Variants in GALK2 observed in about 807,000 individuals in gnomAD.
GALK2 encodes galactokinase 2.
Under a neutral mutation model 52.4 loss-of-function variants are expected in GALK2, and 36 were observed. That is an observed-to-expected ratio of 0.69 (90% CI 0.53 to 0.91). The LOEUF is 0.91. GALK2 is among the 40% of genes least tolerant of loss of function. The probability of loss-of-function intolerance (pLI) is 0.00; values close to 1 mark genes in which losing one functional copy is unlikely to be tolerated. For missense variants in GALK2, 579 were observed against 559.1 expected (o/e 1.04, Z -0.36); for synonymous variants, 176 against 199.1 (o/e 0.88, Z 0.98).
In GALK2 at chr15:49,329,276, G is replaced by A. The variant is rs910350995; in HGVS notation, c.*1117G>A. 2.7e-4 allele frequency: 263 copies of A among 985,428 alleles called. No individual in the cohort carries two copies. Among genetic ancestry groups the A allele is most frequent in the Non-Finnish European group, 3.0e-4 (252 of 829,958 alleles). 61.0% of individuals were successfully genotyped at this position (985,428 alleles called of 1,614,324 possible). Reference sequence around the variant, plus strand: ...TGGGCAGAAATGTTTGGCTGGTGATGGCAAATGACTGGCTTTCTCTTGTGG... The same window carrying A: ...TGGGCAGAAATGTTTGGCTGGTGATAGCAAATGACTGGCTTTCTCTTGTGG... On this transcript the variant is annotated 3_prime_UTR_variant, in exon 10 of 10. Transcript: ENST00000560031.
At chr15:49,197,605 A>G (rs577595921) in intron 1 of GALK2, among the ~76,000 whole-genome samples, 1 of 152,198 alleles carries the variant, frequency 6.6e-6, no homozygotes, top group African/African-American at 2.4e-5. Flanking sequence ...AATTTTATTT[A>G]TGAAAGTTTG....
At chr15:49,288,013 CCTTGTAGAG>C (rs1402622621) in intron 7 of GALK2, among the ~76,000 whole-genome samples, 1 of 152,078 alleles carries the variant, frequency 6.6e-6, no homozygotes, top group Non-Finnish European at 1.5e-5. Context: ...AAAGTCAGAG[CCTTGTAGAG>C]CATTTGACTA....
At chr15:49,167,651 G>A (rs913844225), upstream of GALK2, among the ~76,000 whole-genome samples, 5 of 152,128 alleles carry the variant, frequency 3.3e-5, no homozygotes, top group East Asian at 1.9e-4. Context: ...GAGCCACTGT[G>A]CCCAGCCAAA....
intron 8 of GALK2, among the ~76,000 whole-genome samples, chr15:49,305,103 CTAATAATTTCTAAA>C (rs1169075878): frequency 6.6e-6 from 1 of 152,064 alleles, no homozygotes; most frequent in African/African-American, 2.4e-5. Context: ...AGAAAGTTTC[CTAATAATTTCTAAA>C]TTAGAAATTG....
At chr15:49,244,823 G>A (rs1019481139) in intron 5 of GALK2, among the ~76,000 whole-genome samples, 4 of 150,700 alleles carry the variant, frequency 2.7e-5, no homozygotes, top group African/African-American at 7.3e-5. Context: ...AGGGAAAGAT[G>A]GAACTTATAA....
intron 7 of GALK2, among the ~76,000 whole-genome samples, chr15:49,291,483 T>C (rs2141820138): frequency 6.6e-6 from 1 of 152,318 alleles, no homozygotes; most frequent in Middle Eastern, 3.4e-3. Context: ...TCCCCTTCTC[T>C]TGTTTCTTTT....
chr15:49,353,807 G>C (rs1282360138), intron 3 of GALK2: 3 of 152,052 alleles, frequency 2.0e-5, no homozygotes, highest in Non-Finnish European at 4.4e-5. Context: ...TTGTATTTCA[G>C]CTAATTTATC....
intron 4 of GALK2, among the ~76,000 whole-genome samples, chr15:49,237,417 T>C (rs1420336389): frequency 6.6e-6 from 1 of 152,230 alleles, no homozygotes; most frequent in Non-Finnish European, 1.5e-5. Flanking sequence ...GAATTTGTTA[T>C]ACATTTTCAT....
At chr15:49,249,240 C>T (rs967121807) in intron 5 of GALK2, among the ~76,000 whole-genome samples, 1 of 152,148 alleles carries the variant, frequency 6.6e-6, no homozygotes. Flanking sequence ...ATTTCTGTTT[C>T]ACAGAGGTTA....
intron 4 of GALK2, 105 bp from the exon 5 acceptor site, chr15:49,239,116 A>G (rs774399313): frequency 4.4e-6 from 4 of 899,642 alleles, no homozygotes; most frequent in East Asian, 2.5e-5. Flanking sequence ...TATAACTATT[A>G]TAAGTCTATT....
intron 5 of GALK2, among the ~76,000 whole-genome samples, chr15:49,265,021 G>T (rs942198146): frequency 6.6e-6 from 1 of 152,202 alleles, no homozygotes; most frequent in East Asian, 1.9e-4. Flanking sequence ...TTGGGGGTCA[G>T]GGGTCAGGGA....
chr15:49,258,831 A>T (rs200483020), intron 5 of GALK2, among the ~76,000 whole-genome samples: 5,908 of 138,878 alleles, frequency 0.043, 182 homozygotes, highest in African/African-American at 0.1. Context: ...TGTGTGTGTG[A>T]GAGAGAGAGA....
At chr15:49,226,296 T>C (rs2090132433) in intron 3 of GALK2, among the ~76,000 whole-genome samples, 1 of 152,166 alleles carries the variant, frequency 6.6e-6, no homozygotes, top group Admixed American at 6.5e-5. Context: ...ATCCCTTCAC[T>C]AACCCCTCCC....
intron 5 of GALK2, among the ~76,000 whole-genome samples, chr15:49,251,583 G>T (rs1044856297): frequency 6.6e-6 from 1 of 152,106 alleles, no homozygotes; most frequent in Non-Finnish European, 1.5e-5. Context: ...GACTATAGGT[G>T]CAATGTTGTA....
intron 5 of GALK2, among the ~76,000 whole-genome samples, chr15:49,244,163 A>G (rs2091236367): frequency 6.6e-6 from 1 of 152,026 alleles, no homozygotes; most frequent in Admixed American, 6.6e-5. Flanking sequence ...GCTGGTCTCA[A>G]ACTCCTGACC....
At chr15:49,337,302 C>T (rs773160693) in intron 3 of GALK2, among the ~76,000 whole-genome samples, 2 of 152,156 alleles carry the variant, frequency 1.3e-5, no homozygotes, top group Non-Finnish European at 2.9e-5. Context: ...AATTTACGTT[C>T]CCACCAACAA....
chr15:49,295,593 C>A (rs527532264), intron 8 of GALK2, among the ~76,000 whole-genome samples: 1 of 152,244 alleles, frequency 6.6e-6, no homozygotes, highest in East Asian at 1.9e-4. Context: ...ACCTAATTGC[C>A]TGAGCTCTTC....
intron 1 of GALK2, chr15:49,156,307 G>C: frequency 2.3e-6 from 1 of 436,890 alleles, no homozygotes; most frequent in Non-Finnish European, 4.3e-6. Context: ...GTGAACCTGA[G>C]GGCATCATGT....
At chr15:49,243,950 T>A (rs181603618) in intron 5 of GALK2, among the ~76,000 whole-genome samples, 1 of 151,768 alleles carries the variant, frequency 6.6e-6, no homozygotes, top group Admixed American at 6.6e-5. Flanking sequence ...CAGTGAGACC[T>A]TGTCTCAAAA....
Sources: gnomAD v4.1 joint callset for allele counts (sites outside exome capture counted in the v4.1 genomes callset) on GRCh38, gnomAD v4.1.1 for gene constraint, MANE v1.5 for transcripts, NCBI Gene and HGNC (gene_info 2026-07-23, HGNC 2026-07-21) for gene names.